The following TANC1 variants were observed in gnomAD, a reference collection of about 807,000 sequenced individuals.
TANC1 encodes tetratricopeptide repeat, ankyrin repeat and coiled-coil containing 1.
In TANC1, 77 loss-of-function variants were observed where a neutral mutation model predicts 149.7. The observed-to-expected ratio is 0.51, with a 90% CI of 0.43 to 0.62. TANC1 has a LOEUF of 0.62. Among genes scored for constraint, TANC1 ranks in the 20% least tolerant of loss-of-function variants. TANC1 has a pLI of 0.00. For missense variants in TANC1, 1,985 were observed against 2,321.8 expected, an observed-to-expected ratio of 0.85 and a Z score of 2.98; for synonymous variants, 854 against 925.0, an observed-to-expected ratio of 0.92 and a Z score of 1.39.
intron 3 of TANC1, among the ~76,000 whole-genome samples, chr2:159,090,674 C>T (rs1427671853): frequency 1.3e-5 from 2 of 152,190 alleles, no homozygotes; most frequent in East Asian, 1.9e-4. Context: ...TGCAGATTGA[C>T]GGTGAATCCT....
intron 4 of TANC1, among the ~76,000 whole-genome samples, chr2:159,116,119 A>T (rs1366441804): frequency 5.9e-5 from 9 of 152,092 alleles, no homozygotes; most frequent in Non-Finnish European, 1.3e-4. Flanking sequence ...GTCAAGTATG[A>T]TAAGGAATGA....
chr2:159,072,052 G>T (rs778969164), intron 3 of TANC1, among the ~76,000 whole-genome samples: 109 of 152,248 alleles, frequency 7.2e-4, no homozygotes, highest in Non-Finnish European at 9.3e-4. Flanking sequence ...TGCCATCTTG[G>T]ATCATTGCAA....
At chr2:159,088,452 A>G (rs562851806) in intron 3 of TANC1, among the ~76,000 whole-genome samples, 16 of 152,278 alleles carry the variant, frequency 1.1e-4, no homozygotes, top group Non-Finnish European at 1.3e-4. Flanking sequence ...AGTTTTCTAT[A>G]GTATCAGTTT....
chr2:159,110,938 G>C (rs1488961904), intron 4 of TANC1, among the ~76,000 whole-genome samples: 2 of 152,230 alleles, frequency 1.3e-5, no homozygotes, highest in Admixed American at 1.3e-4. Context: ...AATAGGACAT[G>C]AAAGTGGAAC....
intron 1 of TANC1, among the ~76,000 whole-genome samples, chr2:158,981,303 A>C (rs956890311): frequency 2.7e-5 from 4 of 150,834 alleles, no homozygotes; most frequent in African/African-American, 9.7e-5. Flanking sequence ...AGTGAAAAAA[A>C]AATCATCTGG....
chr2:159,028,439 C>T (rs539485424), intron 2 of TANC1, among the ~76,000 whole-genome samples: 27 of 152,260 alleles, frequency 1.8e-4, no homozygotes, highest in African/African-American at 5.3e-4. Flanking sequence ...ACTGTTTATA[C>T]TTCTCTTGTG....
chr2:159,215,010 G>A (rs949039378), intron 19 of TANC1, among the ~76,000 whole-genome samples: 7 of 152,278 alleles, frequency 4.6e-5, no homozygotes, highest in African/African-American at 1.7e-4. Flanking sequence ...TGAGGGGCTG[G>A]TCTGTGATGA....
chr2:159,216,006 C>G (rs2059322226), intron 19 of TANC1, among the ~76,000 whole-genome samples: 1 of 152,160 alleles, frequency 6.6e-6, no homozygotes, highest in Non-Finnish European at 1.5e-5. Context: ...CTGCAGGGTG[C>G]ATCTCTGCAA....
chr2:159,188,473 C>T (rs2057186237), intron 16 of TANC1, among the ~76,000 whole-genome samples: 1 of 152,240 alleles, frequency 6.6e-6, no homozygotes, highest in Non-Finnish European at 1.5e-5. Flanking sequence ...TCCCATCCAG[C>T]CAGTGGTTTT....
Position 159,229,711 on chromosome 2 carries a change from C to A in TANC1, c.4285C>A (p.Gln1429Lys), listed in dbSNP as rs749341199. 1 of 1,614,070 alleles carries A rather than the reference C, an allele frequency of 6.2e-7. No homozygotes were observed. The highest frequency in any genetic ancestry group is 1.1e-5 in the South Asian group (1 of 91,064). The change falls in exon 27 of 27, where the codon CAG becomes AAG. Residue 1429 changes from glutamine to lysine, a missense_variant. Gln to Lys is a moderately conservative substitution (Grantham distance 53). Transcript: ENST00000263635. ...QLQRSQQQKQ[Q>K]GPLPAPLNDS... Reference sequence around the variant, plus strand: ...CCAGAGGAGTCAACAGCAAAAACAGCAGGGCCCGCTACCAGCTCCACTCAA... The same window carrying A: ...CCAGAGGAGTCAACAGCAAAAACAGAAGGGCCCGCTACCAGCTCCACTCAA...
At chr2:159,017,324 T>C (rs2038380502) in intron 2 of TANC1, among the ~76,000 whole-genome samples, 1 of 152,232 alleles carries the variant, frequency 6.6e-6, no homozygotes, top group East Asian at 1.9e-4. Flanking sequence ...GATATTATAT[T>C]CTCTCACTTT....
chr2:159,228,785 G>A lies in TANC1; in HGVS notation c.4051-11G>A, dbSNP rs568736471. 2.0e-5 allele frequency: 32 copies of A among 1,607,598 alleles called. No individual in the cohort carries two copies. The African/African-American group carries it at 3.9e-4, about 19-fold the overall frequency. On this transcript the variant is annotated splice_polypyrimidine_tract_variant and intron_variant, in intron 25 of 26. Coordinates refer to ENST00000263635, the MANE Select transcript of TANC1 (RefSeq NM_033394.3). ...GCTGCTTCTGACTCCTGTATTTCTTGTCGACACCAGGACTTTGGCATGGCA... is the reference window on the plus strand; with the variant it reads ...GCTGCTTCTGACTCCTGTATTTCTTATCGACACCAGGACTTTGGCATGGCA...
chr2:159,150,545 G>C lies in TANC1; in HGVS notation c.671G>C (p.Ser224Thr). 1.2e-6 allele frequency: 2 copies of C among 1,613,646 alleles called. No individual in the cohort carries two copies. The highest frequency in any genetic ancestry group is 1.7e-6 in the Non-Finnish European group (2 of 1,179,570). The part of the protein sequence containing the change: ...SPSSTLESKD[S>T]GIIATITSSS... ...AGTTCCACCCTGGAAAGCAAGGACA[G>C]TGGAATTATAGGTAAGAAGCACACT... Residue 224 changes from serine to threonine, a missense_variant, in exon 7 of 27, where the codon AGT becomes ACT. Transcript: ENST00000263635.
intron 2 of TANC1, among the ~76,000 whole-genome samples, chr2:159,025,263 CT>C (rs977493111): frequency 9.6e-6 from 1 of 104,632 alleles, no homozygotes; most frequent in African/African-American, 3.4e-5. Context: ...TCCTTCCTTC[CT>C]TTTTTCCTTT....
At chr2:159,179,786 C>CA (rs1212958814) in intron 14 of TANC1, among the ~76,000 whole-genome samples, 1 of 152,204 alleles carries the variant, frequency 6.6e-6, no homozygotes, top group African/African-American at 2.4e-5. Context: ...GCTGTTATCA[C>CA]AGTGGGATGG....
intron 19 of TANC1, among the ~76,000 whole-genome samples, chr2:159,214,864 G>A (rs1238850399): frequency 1.3e-5 from 2 of 152,160 alleles, no homozygotes; most frequent in Admixed American, 6.5e-5. Context: ...GCATTTTTCT[G>A]GAGAAATGTG....
intron 4 of TANC1, among the ~76,000 whole-genome samples, chr2:159,132,937 G>A (rs898474790): frequency 6.6e-6 from 1 of 152,284 alleles, no homozygotes; most frequent in South Asian, 2.1e-4. Flanking sequence ...GCACGTGGAT[G>A]CTTTCTGAAG....
chr2:159,105,591 A>C (rs1471419730), intron 4 of TANC1, among the ~76,000 whole-genome samples: 1 of 152,182 alleles, frequency 6.6e-6, no homozygotes, highest in Admixed American at 6.5e-5. Context: ...GAGTCCCTCT[A>C]TACCCCGCAA....
intron 2 of TANC1, among the ~76,000 whole-genome samples, chr2:159,020,154 A>G (rs909754563): frequency 7.9e-5 from 12 of 151,920 alleles, no homozygotes; most frequent in Admixed American, 2.0e-4. Context: ...GTCTCGTTCT[A>G]TCGGCTAGGC....
Sources: gnomAD v4.1 joint callset for allele counts (sites outside exome capture counted in the v4.1 genomes callset) on GRCh38, gnomAD v4.1.1 for gene constraint, MANE v1.5 for transcripts, NCBI Gene and HGNC (gene_info 2026-07-23, HGNC 2026-07-21) for gene names.